The following IRX5 variants were observed in gnomAD, a reference collection of about 807,000 sequenced individuals.
IRX5 encodes iroquois-class homeodomain protein IRX-5.
In IRX5, 8 loss-of-function variants were observed where a neutral mutation model predicts 37.6. The observed-to-expected ratio is 0.21, with a 90% CI of 0.12 to 0.38. The LOEUF is 0.38. Among genes scored for constraint, IRX5 ranks in the 10% least tolerant of loss-of-function variants. The pLI is 1.00. For missense variants in IRX5, 635 were observed against 695.2 expected, an observed-to-expected ratio of 0.91 and a Z score of 0.97; for synonymous variants, 359 against 328.6, an observed-to-expected ratio of 1.09 and a Z score of -1.00.
chr16:54,933,261 G>T lies in IRX5; in HGVS notation c.840G>T (p.Ala280=). ...TGGPSPAGPA[A]ARLAEDPAPH... ...GGCCCTCCCCGGCTGGGCCAGCGGCGGCGCGGCTGGCGGAGGACCCGGCCC... is the reference window on the plus strand; with the variant it reads ...GGCCCTCCCCGGCTGGGCCAGCGGCTGCGCGGCTGGCGGAGGACCCGGCCC... Residue 280 remains alanine (A), a synonymous_variant, in exon 3 of 3, where the codon GCG becomes GCT. Coordinates refer to ENST00000394636, the MANE Select transcript of IRX5 (RefSeq NM_005853.6). 7.6e-7 allele frequency: 1 copy of T among 1,322,928 alleles called. No individual in the cohort carries two copies. Among genetic ancestry groups the T allele is most frequent in the South Asian group, 2.2e-5 (1 of 46,146 alleles). 81.9% of individuals were successfully genotyped at this position (1,322,928 alleles called of 1,614,324 possible). A position where few individuals can be genotyped will look rare whatever the true frequency, so the allele number is the denominator to read the frequency against.
rs1235861064 is a variant in IRX5, at chr16:54,933,944, C to A, written c.*71C>A. On this transcript the variant is annotated 3_prime_UTR_variant, in exon 3 of 3. Coordinates refer to ENST00000394636, the MANE Select transcript of IRX5 (RefSeq NM_005853.6). ...GGCCTTGGCAGTTATTTTTCCATCA[C>A]CGAGAGAGAGAGACAGAGAGAGAAA... The A allele has an allele frequency of 2.8e-6, 4 of 1,425,170 alleles. No homozygotes were observed. In the Admixed American group the frequency reaches 6.8e-5, roughly 24 times the overall value. 88.3% of individuals were successfully genotyped at this position (1,425,170 alleles called of 1,614,324 possible).
rs768835514 is a variant in IRX5, at chr16:54,931,149, C to T, written c.-50C>T. The T allele has an allele frequency of 1.6e-6, 2 of 1,288,296 alleles. No homozygotes were observed. The highest frequency in any genetic ancestry group is 3.1e-5 in the African/African-American group (2 of 64,444). 79.8% of individuals were successfully genotyped at this position (1,288,296 alleles called of 1,614,324 possible). On this transcript the variant is annotated 5_prime_UTR_variant, in exon 1 of 3. Transcript: ENST00000394636. ...CCCGCTCGCCCTCGCAGGGCGCCGC[C>T]CGGCTCGTTGGCGGCCGCGGCGCGG...
At position 54,932,326 on chromosome 16, in the gene IRX5, G is replaced by C. The variant is rs1293348262; in HGVS notation, c.250-172G>C. ...GAGGTCCCCGCTGCCTTCTGAGGAGGGGGAGGAGTTGCTCCTAGGTCTGAA... is the reference window on the plus strand; with the variant it reads ...GAGGTCCCCGCTGCCTTCTGAGGAGCGGGAGGAGTTGCTCCTAGGTCTGAA... On this transcript the variant is annotated intron_variant, in intron 1 of 2. Coordinates refer to ENST00000394636, the MANE Select transcript of IRX5 (RefSeq NM_005853.6). The surrounding 1 kb of genome is among the most constrained non-coding windows in gnomAD (Gnocchi z 6.7). 6.7e-5 allele frequency: 49 copies of C among 727,828 alleles called. No individual in the cohort carries two copies. The highest frequency in any genetic ancestry group is 9.1e-5 in the Non-Finnish European group (41 of 448,104). The allele number at this position is 727,828 out of a possible 1,614,324, so 45.1% of individuals were successfully genotyped here.
rs1474200734 is a variant in IRX5 at position 54,932,282 on chromosome 16, A to G, written c.250-216A>G. The stretch of plus-strand genomic sequence containing the variant: ...CCGGGACAGCTTCAGGGGCCCCAGA[A>G]GGACCTGACCCAGAAATTGAGGTCC... On this transcript the variant is annotated intron_variant, in intron 1 of 2. Coordinates refer to ENST00000394636, the MANE Select transcript of IRX5 (RefSeq NM_005853.6). This position sits in a 1 kb window ranked among gnomAD's most constrained non-coding sequence, Gnocchi z 6.7. 23 of 670,980 alleles carry G rather than the reference A, an allele frequency of 3.4e-5. No homozygotes were observed. Among genetic ancestry groups the G allele is most frequent in the Non-Finnish European group, 5.5e-5 (21 of 379,352 alleles). 41.6% of individuals were successfully genotyped at this position (670,980 alleles called of 1,614,324 possible).
In IRX5 at chr16:54,931,063, G is replaced by C. The variant is rs1963888846; in HGVS notation, c.-136G>C. The C allele has an allele frequency of 4.0e-6, 2 of 502,932 alleles. No individual in the cohort carries two copies. Among genetic ancestry groups the C allele is most frequent in the African/African-American group, 2.1e-5 (1 of 47,686 alleles). 31.2% of individuals were successfully genotyped at this position (502,932 alleles called of 1,614,324 possible). A position where few individuals can be genotyped will look rare whatever the true frequency, so the allele number is the denominator to read the frequency against. On this transcript the variant is annotated 5_prime_UTR_variant, in exon 1 of 3. Coordinates refer to ENST00000394636, the MANE Select transcript of IRX5 (RefSeq NM_005853.6). ...AGCCAGCGAGGAGGCGCCGCGGGCCGGAGCCCCGGAGCCGGGGCCAGAGGA... is the reference window on the plus strand; with the variant it reads ...AGCCAGCGAGGAGGCGCCGCGGGCCCGAGCCCCGGAGCCGGGGCCAGAGGA...
Position 54,932,980 on chromosome 16 carries a change from C to T in IRX5, c.655+77C>T, listed in dbSNP as rs964390252. The T allele has an allele frequency of 4.4e-6, 7 of 1,592,282 alleles. No individual in the cohort carries two copies. Among genetic ancestry groups the T allele is most frequent in the Non-Finnish European group, 6.0e-6 (7 of 1,171,962 alleles). Reference sequence around the variant, plus strand: ...AGGCCTGGAGGGGGCGCGCACGGGGCCTGGAGGTTGGGGGCAGGGGTCCCT... The same window carrying T: ...AGGCCTGGAGGGGGCGCGCACGGGGTCTGGAGGTTGGGGGCAGGGGTCCCT... On this transcript the variant is annotated intron_variant, in intron 2 of 2. Coordinates refer to ENST00000394636, the MANE Select transcript of IRX5 (RefSeq NM_005853.6). The surrounding 1 kb of genome is among the most constrained non-coding windows in gnomAD (Gnocchi z 6.7).
chr16:54,932,985 A>G lies in IRX5; in HGVS notation c.655+82A>G, dbSNP rs1895001378. On this transcript the variant is annotated intron_variant, in intron 2 of 2. Transcript: ENST00000394636. The surrounding 1 kb of genome is among the most constrained non-coding windows in gnomAD (Gnocchi z 6.7). ...TGGAGGGGGCGCGCACGGGGCCTGG[A>G]GGTTGGGGGCAGGGGTCCCTGCCTT... 6.9e-6 allele frequency: 11 copies of G among 1,591,916 alleles called. No homozygotes were observed. In the South Asian group the frequency reaches 1.2e-4, roughly 18 times the overall value.
chr16:54,932,088 C>T lies in IRX5; in HGVS notation c.250-410C>T. The T allele has an allele frequency of 1.4e-6, 1 of 702,868 alleles. No homozygotes were observed. Among genetic ancestry groups the T allele is most frequent in the Non-Finnish European group, 2.6e-6 (1 of 384,986 alleles). 43.5% of individuals were successfully genotyped at this position (702,868 alleles called of 1,614,324 possible). A position where few individuals can be genotyped will look rare whatever the true frequency, so the allele number is the denominator to read the frequency against. On this transcript the variant is annotated intron_variant, in intron 1 of 2. Transcript: ENST00000394636. The surrounding 1 kb of genome is among the most constrained non-coding windows in gnomAD (Gnocchi z 6.7). ...AAAGAAAAAAAGAGCCTTGACTTCC[C>T]TTGTTTTCCCCCCTTGCGCCCAACG...
At position 54,932,353 on chromosome 16, in the gene IRX5, C is replaced by T; in HGVS notation, c.250-145C>T. The T allele has an allele frequency of 1.1e-6, 1 of 947,624 alleles. No homozygotes were observed. The allele number at this position is 947,624 out of a possible 1,614,324, so 58.7% of individuals were successfully genotyped here. On this transcript the variant is annotated intron_variant, in intron 1 of 2. Coordinates refer to ENST00000394636, the MANE Select transcript of IRX5 (RefSeq NM_005853.6). This position sits in a 1 kb window ranked among gnomAD's most constrained non-coding sequence, Gnocchi z 6.7. The stretch of plus-strand genomic sequence containing the variant: ...GGAGGAGTTGCTCCTAGGTCTGAAC[C>T]CCGCCAGCCTTGCCCCGTAGGAAGC...
In IRX5 at chr16:54,933,833, ACT is replaced by A; in HGVS notation, c.1416_1417del (p.Pro473LeufsTer2). On this transcript the variant is annotated frameshift_variant, in exon 3 of 3. Transcript: ENST00000394636. LOFTEE classifies it high-confidence loss of function. ...CAGTCTCAGCTAGACCTGTGCAAAG[ACT>A]CTCCCTATGAATTGAAGAAAGGTAT... 1 of 1,611,040 alleles carries A rather than the reference ACT, an allele frequency of 6.2e-7. No homozygotes were observed.
rs1434629726 is a variant in IRX5, at chr16:54,933,301, G to C, written c.880G>C (p.Gly294Arg). The C allele has an allele frequency of 7.1e-7, 1 of 1,402,602 alleles. No individual in the cohort carries two copies. The highest frequency in any genetic ancestry group is 9.2e-7 in the Non-Finnish European group (1 of 1,085,458). The allele number at this position is 1,402,602 out of a possible 1,614,324, so 86.9% of individuals were successfully genotyped here. ...AEDPAPHYPA[G>R]APAPGPHPAA... ...GGACCCGGCCCCTCACTACCCCGCCGGAGCGCCGGCGCCCGGCCCGCATCC... is the reference window on the plus strand; with the variant it reads ...GGACCCGGCCCCTCACTACCCCGCCCGAGCGCCGGCGCCCGGCCCGCATCC... The change falls in exon 3 of 3, where the codon GGA (glycine) becomes CGA (arginine). Residue 294 changes from glycine (G) to arginine (R), a missense_variant. Around this residue, in one of 5 missense-constraint regions of IRX5, gnomAD observed 244 missense variants for 205.4 expected, o/e 1.19. Transcript: ENST00000394636.
rs1252880402 is a variant in IRX5, at chr16:54,931,108, A to G, written c.-91A>G. ...AGAGGAGCGGCGGCCCAGGGCAGCC[A>G]GAGGCCAGGTGCCCGCCCGCTCGCC... On this transcript the variant is annotated 5_prime_UTR_variant, in exon 1 of 3. Transcript: ENST00000394636. 2 of 1,055,254 alleles carry G rather than the reference A, an allele frequency of 1.9e-6. No homozygotes were observed. Among genetic ancestry groups the G allele is most frequent in the African/African-American group, 1.7e-5 (1 of 59,248 alleles). 65.4% of individuals were successfully genotyped at this position (1,055,254 alleles called of 1,614,324 possible).
rs754585983 is a variant in IRX5, at chr16:54,933,697, G to C, written c.1276G>C (p.Gly426Arg). The part of the protein sequence containing the change: ...GSFGHLHGHP[G>R]PGPGPTTGPG... ...CTTCGGACACCTTCATGGCCACCCG[G>C]GGCCCGGGCCAGGCCCCACAACCGG... Residue 426 changes from glycine to arginine, a missense_variant, in exon 3 of 3, where the codon GGG becomes CGG. Transcript: ENST00000394636. The C allele has an allele frequency of 5.0e-6, 8 of 1,613,576 alleles. No homozygotes were observed. In the East Asian group the frequency reaches 1.8e-4, roughly 36 times the overall value.
chr16:54,931,004 C>A lies in IRX5; in HGVS notation c.-195C>A. 1 of 166,322 alleles carries A rather than the reference C, an allele frequency of 6.0e-6. No individual in the cohort carries two copies. The highest frequency in any genetic ancestry group is 1.2e-5 in the Non-Finnish European group (1 of 80,356). The allele number at this position is 166,322 out of a possible 1,614,324, so 10.3% of individuals were successfully genotyped here. ...GGGGCGAGCGAGGCGCGCAGAGGAGCGGGCGCGGCGGTCGCAGCCGGAGGC... is the reference window on the plus strand; with the variant it reads ...GGGGCGAGCGAGGCGCGCAGAGGAGAGGGCGCGGCGGTCGCAGCCGGAGGC... On this transcript the variant is annotated 5_prime_UTR_variant, in exon 1 of 3. Transcript: ENST00000394636.
At position 54,933,983 on chromosome 16, in the gene IRX5, C is replaced by T. The variant is rs1027019264; in HGVS notation, c.*110C>T. The T allele has an allele frequency of 7.0e-6, 8 of 1,136,440 alleles. No homozygotes were observed. The African/African-American group carries it at 1.2e-4, about 18-fold the overall frequency. 70.4% of individuals were successfully genotyped at this position (1,136,440 alleles called of 1,614,324 possible). ...CAGAGAGAGAAAATAAACTACCCCT[C>T]CTATTCAGAAGTTTATAGTTTATGG... On this transcript the variant is annotated 3_prime_UTR_variant, in exon 3 of 3. Transcript: ENST00000394636.
chr16:54,933,797 T>C lies in IRX5; in HGVS notation c.1376T>C (p.Met459Thr). 1.2e-6 allele frequency: 2 copies of C among 1,613,566 alleles called. No individual in the cohort carries two copies. Among genetic ancestry groups the C allele is most frequent in the Non-Finnish European group, 1.7e-6 (2 of 1,179,900 alleles). The change falls in exon 3 of 3, where the codon ATG (methionine) becomes ACG (threonine). Residue 459 changes from methionine (M) to threonine (T), a missense_variant. Transcript: ENST00000394636. ...RADALAKDPKMLRSQSQLDLC... is the reference protein window; with the variant it reads ...RADALAKDPKTLRSQSQLDLC... ...GACGCTTTGGCTAAAGACCCGAAAATGTTGCGGAGCCAGTCTCAGCTAGAC... is the reference window on the plus strand; with the variant it reads ...GACGCTTTGGCTAAAGACCCGAAAACGTTGCGGAGCCAGTCTCAGCTAGAC...
At position 54,933,054 on chromosome 16, in the gene IRX5, G is replaced by C. The variant is rs771681201; in HGVS notation, c.656-23G>C. 1.0e-4 allele frequency: 162 copies of C among 1,602,554 alleles called. No individual in the cohort carries two copies. In the East Asian group the frequency reaches 3.6e-3, roughly 36 times the overall value. ...CCCGCCGCGCGGCCTCTGCGCCCCT[G>C]ACAGCCTGGGTTTCGCCCGCAGGAG... On this transcript the variant is annotated intron_variant, in intron 2 of 2. Coordinates refer to ENST00000394636, the MANE Select transcript of IRX5 (RefSeq NM_005853.6).
Position 54,933,514 on chromosome 16 carries a change from C to T in IRX5, c.1093C>T (p.Pro365Ser), listed in dbSNP as rs1172514492. The T allele has an allele frequency of 4.3e-6, 7 of 1,610,034 alleles. No individual in the cohort carries two copies. The highest frequency in any genetic ancestry group is 2.2e-5 in the East Asian group (1 of 44,760). ...EGSPCPPCPG[P>S]IAGQALGGSR... ...CTCTCCATGCCCACCGTGTCCCGGG[C>T]CCATAGCCGGGCAAGCCCTAGGAGG... The change falls in exon 3 of 3, where the codon CCC becomes TCC. Residue 365 changes from proline to serine, a missense_variant. By Grantham distance (74) the Pro-to-Ser change is moderately conservative. Around this residue, in one of 5 missense-constraint regions of IRX5, gnomAD observed 188 missense variants for 200.8 expected, o/e 0.94. Coordinates refer to ENST00000394636, the MANE Select transcript of IRX5 (RefSeq NM_005853.6).
intron 1 of IRX5, 60 bp downstream of exon 1, chr16:54,931,507 G>A (rs1198417143): frequency 1.4e-6 from 2 of 1,469,890 alleles, no homozygotes; most frequent in South Asian, 1.4e-5. Flanking sequence ...GAGGACGGGG[G>A]CGGAGGGGGA....
Sources: gnomAD v4.1 joint callset for allele counts on GRCh38, gnomAD v4.1.1 for gene constraint, gnomAD v4.1.1 regional missense constraint, Gnocchi (gnomAD v3.1) non-coding constraint, MANE v1.5 for transcripts, NCBI Gene and HGNC (gene_info 2026-07-23, HGNC 2026-07-21) for gene names.